LOXL2: variants seen among roughly 807,000 people sequenced by gnomAD.
The protein encoded by LOXL2 is lysyl oxidase homolog 2.
A neutral mutation model predicts 93.0 loss-of-function variants in LOXL2; 70 were observed. The ratio of observed to expected loss-of-function variants is 0.75; its 90% CI spans 0.62 to 0.92. The LOEUF (loss-of-function observed/expected upper bound fraction) is 0.92. Ranked by LOEUF, LOXL2 falls within the 40% of genes least tolerant of loss-of-function variation. The pLI, the probability that LOXL2 is intolerant of heterozygous loss-of-function variation, is 0.00. For synonymous variants in LOXL2, 438 were observed against 413.2 expected, an observed-to-expected ratio of 1.06 and a Z score of -0.73; for missense variants, 973 against 1,054.9, an observed-to-expected ratio of 0.92 and a Z score of 1.08.
intron 1 of LOXL2, among the ~76,000 whole-genome samples, chr8:23,403,715 G>T (rs570757324): frequency 1.1e-4 from 17 of 152,046 alleles, no homozygotes; most frequent in African/African-American, 3.9e-4. Context: ...CCCCGGGCGC[G>T]CCAGCAGCCG....
rs527790449 is a variant in LOXL2, at chr8:23,378,745, T to A, written c.-83-10311A>T. On this transcript the variant is annotated intron_variant, in intron 1 of 13. Coordinates refer to ENST00000389131, the MANE Select transcript of LOXL2 (RefSeq NM_002318.3). ...GGTTGATCGAAACGGCTACTGAAGC[T>A]TGTGCATTCGTCACGTAGTTCTCGT... Among the ~76,000 whole-genome samples the A allele has an allele frequency of 2.7e-4, 41 of 152,382 alleles. 1 individual carries two copies. The highest frequency in any genetic ancestry group is 8.9e-4 in the African/African-American group (37 of 41,582).
chr8:23,321,196 G>C (rs1188149622), intron 7 of LOXL2, among the ~76,000 whole-genome samples: 1 of 152,182 alleles, frequency 6.6e-6, no homozygotes, highest in African/African-American at 2.4e-5. Context: ...CAGAGGCTCT[G>C]GCTGCGGAAT....
rs537971162 is a variant in LOXL2, at chr8:23,296,949, G to A, written c.*1094C>T. 3.5e-4 allele frequency among the ~76,000 whole-genome samples: 53 copies of A among 152,320 alleles called. No individual in the cohort carries two copies. The highest frequency in any genetic ancestry group is 1.1e-3 in the African/African-American group (45 of 41,574). On this transcript the variant is annotated 3_prime_UTR_variant, in exon 14 of 14. Coordinates refer to ENST00000389131, the MANE Select transcript of LOXL2 (RefSeq NM_002318.3). ...CAAGAAAGATTATGACTCCTGTTCC[G>A]TTACTTTTTGTGATCTCCTTAGATT... is the stretch of plus-strand genomic sequence containing the variant.
intron 1 of LOXL2, among the ~76,000 whole-genome samples, chr8:23,390,565 C>T (rs979558752): frequency 1.7e-4 from 26 of 152,334 alleles, no homozygotes; most frequent in African/African-American, 6.3e-4. Flanking sequence ...GGGGGTTCCC[C>T]GCAGCCCACC....
chr8:23,373,311 G>C lies in LOXL2; in HGVS notation c.-83-4877C>G, dbSNP rs193300518. On this transcript the variant is annotated intron_variant, in intron 1 of 13. Transcript: ENST00000389131. Reference sequence around the variant, plus strand: ...GAACTACCTGAGCCAGCGGAGGGGGGGCCTAACTTTGAATTCAGGAAGGTT... The same window carrying C: ...GAACTACCTGAGCCAGCGGAGGGGGCGCCTAACTTTGAATTCAGGAAGGTT... Among the ~76,000 whole-genome samples, 12 of 152,202 alleles carry C rather than the reference G, an allele frequency of 7.9e-5. No individual in the cohort carries two copies. In the East Asian group the frequency reaches 9.7e-4, roughly 12 times the overall value.
At position 23,340,990 on chromosome 8, in the gene LOXL2, A is replaced by G; in HGVS notation, c.743+2T>C. 1 of 1,613,406 alleles carries G rather than the reference A, an allele frequency of 6.2e-7. No homozygotes were observed. Among genetic ancestry groups the G allele is most frequent in the Non-Finnish European group, 8.5e-7 (1 of 1,179,418 alleles). ...GCCACCCCTTTGGTGCAGTCCTCTT[A>G]CTTGTACACTTTGGTATTGTATGTC... is the stretch of plus-strand genomic sequence containing the variant. On this transcript the variant is annotated splice_donor_variant, in intron 4 of 13. Transcript: ENST00000389131. LOFTEE classifies it high-confidence loss of function.
chr8:23,309,585 C>A, intron 10 of LOXL2, 83 bp downstream of exon 10: 1 of 1,322,638 alleles, frequency 7.6e-7, no homozygotes, highest in Non-Finnish European at 9.7e-7. Flanking sequence ...CTCTAAGTGA[C>A]CCTGGCAACT....
intron 1 of LOXL2, chr8:23,402,621 A>G (rs1800167083): frequency 6.6e-6 from 1 of 152,206 alleles, no homozygotes; most frequent in East Asian, 1.9e-4. Flanking sequence ...TCAATAACTA[A>G]TTCATTCCAC....
chr8:23,384,484 C>T (rs1030683111), intron 1 of LOXL2, among the ~76,000 whole-genome samples: 19 of 152,184 alleles, frequency 1.2e-4, no homozygotes, highest in African/African-American at 4.3e-4. Flanking sequence ...TCACCTCCTC[C>T]TAGAAGTCCA....
chr8:23,353,428 CCAGA>C (rs1301387142), intron 3 of LOXL2, among the ~76,000 whole-genome samples: 2 of 152,166 alleles, frequency 1.3e-5, no homozygotes, highest in African/African-American at 2.4e-5. Flanking sequence ...TTCTTTATAT[CCAGA>C]CAAACTTCTG....
intron 1 of LOXL2, chr8:23,386,109 G>C: frequency 1.3e-6 from 1 of 752,054 alleles, no homozygotes; most frequent in Non-Finnish European, 2.4e-6. Context: ...GCTAAAAAGT[G>C]ATCAAGCTGG....
chr8:23,337,597 C>T (rs555069861), intron 4 of LOXL2: 17 of 152,314 alleles, frequency 1.1e-4, no homozygotes, highest in Middle Eastern at 3.4e-3. Flanking sequence ...CCAGGCAAAC[C>T]GCTGGAGGCC....
At position 23,298,947 on chromosome 8, in the gene LOXL2, C is replaced by T. The variant is rs201155636; in HGVS notation, c.2134G>A (p.Val712Ile). 5 of 1,589,694 alleles carry T rather than the reference C, an allele frequency of 3.1e-6. No individual in the cohort carries two copies. Among genetic ancestry groups the T allele is most frequent in the Admixed American group, 1.7e-5 (1 of 59,988 alleles). Residue 712 changes from valine to isoleucine, a missense_variant and splice_region_variant, in exon 13 of 14, where the codon GTT (valine) becomes ATT (isoleucine). Physicochemically the swap from Val to Ile is conservative, Grantham distance 29. Transcript: ENST00000389131. Reference sequence around the variant, plus strand: ...ACCTCGAAGTTGGGGTTAATAACAACCTAGGGAGAAGCAGGGCAGAGGAGG... The same window carrying T: ...ACCTCGAAGTTGGGGTTAATAACAATCTAGGGAGAAGCAGGGCAGAGGAGG... ...DVPPGDYLFQ[V>I]VINPNFEVAE...
At chr8:23,371,102 A>G (rs1050316375) in intron 1 of LOXL2, 18 of 152,168 alleles carry the variant, frequency 1.2e-4, no homozygotes, top group African/African-American at 3.9e-4. Flanking sequence ...AGAAAGACTA[A>G]CAGCTGGTCC....
intron 3 of LOXL2, among the ~76,000 whole-genome samples, chr8:23,342,280 G>C (rs1002836787): frequency 1.3e-5 from 2 of 151,950 alleles, no homozygotes; most frequent in African/African-American, 4.8e-5. Context: ...GCCTTTCCAA[G>C]ACATGCCATA....
intron 6 of LOXL2, among the ~76,000 whole-genome samples, chr8:23,322,877 G>A (rs1025986066): frequency 2.0e-5 from 3 of 152,224 alleles, no homozygotes; most frequent in Admixed American, 1.3e-4. Flanking sequence ...GGTAAGGCAG[G>A]CCCCTGCCCC....
At chr8:23,401,611 CT>C (rs751521806) in intron 1 of LOXL2, among the ~76,000 whole-genome samples, 4 of 151,488 alleles carry the variant, frequency 2.6e-5, no homozygotes, top group East Asian at 1.9e-4. Flanking sequence ...CTTCTCTCTA[CT>C]TTTTTTGCAT....
chr8:23,342,086 T>C (rs987766258), intron 3 of LOXL2, among the ~76,000 whole-genome samples: 3 of 152,072 alleles, frequency 2.0e-5, no homozygotes, highest in African/African-American at 7.2e-5. Flanking sequence ...TGGAGGGGCA[T>C]GGGCGAGAGG....
chr8:23,385,451 G>A (rs1804746214), intron 1 of LOXL2, among the ~76,000 whole-genome samples: 2 of 150,478 alleles, frequency 1.3e-5, no homozygotes, highest in Admixed American at 1.3e-4. Context: ...GTAGAGAAGG[G>A]GTTTCACCAT....
Sources: allele counts gnomAD v4.1 joint callset (sites outside exome capture counted in the v4.1 genomes callset), GRCh38; gene constraint gnomAD v4.1.1; transcripts MANE v1.5; gene names NCBI Gene and HGNC (gene_info 2026-07-23, HGNC 2026-07-21).